Variants in PCDHA13 observed in about 807,000 individuals in gnomAD.
The protein encoded by PCDHA13 is protocadherin alpha-13.
In PCDHA13, 54 loss-of-function variants were observed where a neutral mutation model predicts 64.8. The ratio of observed to expected loss-of-function variants is 0.83; its 90% CI spans 0.67 to 1.04. The LOEUF is 1.04. Ranked by LOEUF, PCDHA13 falls within the 50% of genes least tolerant of loss-of-function variation. The pLI, the probability that PCDHA13 is intolerant of heterozygous loss-of-function variation, is 0.00. For synonymous variants in PCDHA13, 587 were observed against 564.4 expected, an observed-to-expected ratio of 1.04 and a Z score of -0.57; for missense variants, 1,248 against 1,254.3, an observed-to-expected ratio of 0.99 and a Z score of 0.08.
chr5:140,905,437 C>T (rs190555934), intron 1 of PCDHA13, among the ~76,000 whole-genome samples: 1 of 152,130 alleles, frequency 6.6e-6, no homozygotes, highest in Non-Finnish European at 1.5e-5. Flanking sequence ...ATAACTACAG[C>T]CTTTTAGTAT....
Position 141,009,798 on chromosome 5 carries a change from A to G in PCDHA13, c.2714A>G (p.Asn905Ser). Residue 905 changes from asparagine (N) to serine (S), a missense_variant, in exon 4 of 4, where the codon AAC (asparagine) becomes AGC (serine). Physicochemically the swap from Asn to Ser is conservative, Grantham distance 46. Transcript: ENST00000289272. ...AIISIRQEPT[N>S]SQIDKSDFIT... The stretch of plus-strand genomic sequence containing the variant: ...ATCTCCATCCGGCAGGAGCCTACTA[A>G]CAGCCAAATTGACAAAAGTGACTTC... 2 of 1,614,116 alleles carry G rather than the reference A, an allele frequency of 1.2e-6. No homozygotes were observed. Among genetic ancestry groups the G allele is most frequent in the Non-Finnish European group, 1.7e-6 (2 of 1,180,014 alleles).
In PCDHA13 at chr5:141,010,490, A is replaced by C; in HGVS notation, c.*553A>C. 1.6e-6 allele frequency: 1 copy of C among 640,034 alleles called. No individual in the cohort carries two copies. The highest frequency in any genetic ancestry group is 2.4e-6 in the Non-Finnish European group (1 of 411,150). The allele number at this position is 640,034 out of a possible 1,614,324, so 39.6% of individuals were successfully genotyped here. On this transcript the variant is annotated 3_prime_UTR_variant, in exon 4 of 4. Coordinates refer to ENST00000289272, the MANE Select transcript of PCDHA13 (RefSeq NM_018904.3). ...GGAGGGGAAGTGTAAACTTAAAGGG[A>C]CCAGACTTTCTAAATCTTACAACTC...
rs1554214039 is a variant in PCDHA13 at position 140,941,214 on chromosome 5, C to CTTTCTTTCTTTCTTTCTTTCTTTCTTT, written c.2395-37735_2395-37734insTTTCTTTCTTTCTTTCTTTCTTTCTTT. ...TTTTTTCTTTCTTCCTTTCTTTCTTCCTTTCTTTCTTTCTTTCTTTCTTTC... is the reference window on the plus strand; with the variant it reads ...TTTTTTCTTTCTTCCTTTCTTTCTTCTTTCTTTCTTTCTTTCTTTCTTTCTTTCTTTCTTTCTTTCTTTCTTTCTTTC... On this transcript the variant is annotated intron_variant, in intron 1 of 3. Coordinates refer to ENST00000289272, the MANE Select transcript of PCDHA13 (RefSeq NM_018904.3). Among the ~76,000 whole-genome samples the CTTTCTTTCTTTCTTTCTTTCTTTCTTT allele has an allele frequency of 4.7e-4, 57 of 122,484 alleles. 1 individual carries two copies. The highest frequency in any genetic ancestry group is 1.6e-3 in the East Asian group (7 of 4,322). The allele number at this position is 122,484 out of a possible 152,430, so 80.4% of individuals were successfully genotyped here.
At chr5:140,986,231 C>A (rs2097191592) in intron 3 of PCDHA13, among the ~76,000 whole-genome samples, 1 of 152,210 alleles carries the variant, frequency 6.6e-6, no homozygotes, top group African/African-American at 2.4e-5. Context: ...AGCCTCCCCT[C>A]TGTGTGAGCA....
chr5:140,994,358 G>A (rs2097616894), intron 3 of PCDHA13, among the ~76,000 whole-genome samples: 1 of 152,162 alleles, frequency 6.6e-6, no homozygotes, highest in Admixed American at 6.5e-5. Flanking sequence ...GACCTCAGAA[G>A]ATGGAATTGG....
chr5:140,918,423 G>A (rs1450010103), intron 1 of PCDHA13, among the ~76,000 whole-genome samples: 2 of 152,076 alleles, frequency 1.3e-5, no homozygotes, highest in Admixed American at 1.3e-4. Context: ...CTTCCAGTAG[G>A]ATGTTGAATA....
intron 3 of PCDHA13, among the ~76,000 whole-genome samples, chr5:141,002,222 G>A (rs1278350490): frequency 2.0e-5 from 3 of 152,212 alleles, no homozygotes; most frequent in Non-Finnish European, 4.4e-5. Context: ...AAAATGATGG[G>A]TTTTCTGGAA....
At chr5:141,009,262 C>T (rs2098403740) in intron 3 of PCDHA13, among the ~76,000 whole-genome samples, 2 of 152,112 alleles carry the variant, frequency 1.3e-5, no homozygotes, top group Non-Finnish European at 2.9e-5. Flanking sequence ...TGAGACCAGC[C>T]TGGGCAACAT....
intron 1 of PCDHA13, chr5:140,927,906 CG>C: frequency 6.2e-7 from 1 of 1,614,180 alleles, no homozygotes. Context: ...ATCATGCCCC[CG>C]AACTGGACTT....
chr5:140,938,928 T>G (rs1220764640), intron 1 of PCDHA13, among the ~76,000 whole-genome samples: 2 of 152,104 alleles, frequency 1.3e-5, no homozygotes, highest in African/African-American at 4.8e-5. Flanking sequence ...AAATTGGCTT[T>G]TAACTTTCCA....
chr5:141,001,850 T>G (rs2098040443), intron 3 of PCDHA13, among the ~76,000 whole-genome samples: 1 of 152,164 alleles, frequency 6.6e-6, no homozygotes, highest in Admixed American at 6.5e-5. Context: ...AGAGAGAGGT[T>G]GATTAAATTG....
chr5:140,942,924 T>A (rs2093394309), intron 1 of PCDHA13, among the ~76,000 whole-genome samples: 1 of 151,518 alleles, frequency 6.6e-6, no homozygotes, highest in African/African-American at 2.4e-5. Context: ...AAAAAAAAAA[T>A]TGAAAAAGAG....
intron 1 of PCDHA13, chr5:140,967,137 T>C: frequency 1.2e-6 from 2 of 1,611,728 alleles, no homozygotes; most frequent in Non-Finnish European, 1.7e-6. Context: ...TTGGAAGTGC[T>C]GGCGCACAAC....
intron 1 of PCDHA13, chr5:140,930,529 C>T (rs1175564392): frequency 6.6e-6 from 1 of 152,500 alleles, no homozygotes; most frequent in African/African-American, 2.4e-5. Flanking sequence ...GGCCCTCAAA[C>T]TTCTTGAGTG....
intron 1 of PCDHA13, among the ~76,000 whole-genome samples, chr5:140,923,975 T>C (rs1475895954): frequency 2.0e-5 from 3 of 152,222 alleles, no homozygotes; most frequent in African/African-American, 7.2e-5. Flanking sequence ...CCACACATAC[T>C]ATCCCTCTAG....
At position 140,882,739 on chromosome 5, in the gene PCDHA13, A is replaced by C. The variant is rs781997612; in HGVS notation, c.471A>C (p.Ala157=). 6.2e-7 allele frequency: 1 copy of C among 1,614,142 alleles called. No homozygotes were observed. Among genetic ancestry groups the C allele is most frequent in the East Asian group, 2.2e-5 (1 of 44,902 alleles). The change falls in exon 1 of 4, where the codon GCA becomes GCC. Residue 157 remains alanine, a synonymous_variant. Coordinates refer to ENST00000289272, the MANE Select transcript of PCDHA13 (RefSeq NM_018904.3). ...PPETRFPLDG[A]SDADIGVNSA... is the part of the protein sequence containing the mutation. ...AAACTCGATTTCCACTAGATGGCGC[A>C]TCCGATGCAGATATTGGAGTAAACT...
At chr5:140,918,348 G>A (rs1184826451) in intron 1 of PCDHA13, among the ~76,000 whole-genome samples, 1 of 152,138 alleles carries the variant, frequency 6.6e-6, no homozygotes, top group Non-Finnish European at 1.5e-5. Context: ...GAGATAGGTT[G>A]ACTTCCTCTC....
At chr5:141,006,637 T>C (rs782585273) in intron 3 of PCDHA13, among the ~76,000 whole-genome samples, 8 of 152,118 alleles carry the variant, frequency 5.3e-5, no homozygotes, top group Non-Finnish European at 1.2e-4. Flanking sequence ...GCAATTCATA[T>C]AAGAGATGAT....
chr5:140,882,701 T>C lies in PCDHA13; in HGVS notation c.433T>C (p.Ser145Pro). The change falls in exon 1 of 4, where the codon TCT becomes CCT. Residue 145 changes from serine to proline, a missense_variant. Coordinates refer to ENST00000289272, the MANE Select transcript of PCDHA13 (RefSeq NM_018904.3). ...CAAGAAACGAATAATCATTGCAGAA[T>C]CTAGACCTCCGGAAACTCGATTTCC... The part of the protein sequence containing the change: ...ESKKRIIIAE[S>P]RPPETRFPLD... 2 of 1,614,138 alleles carry C rather than the reference T, an allele frequency of 1.2e-6. No homozygotes were observed. Among genetic ancestry groups the C allele is most frequent in the South Asian group, 1.1e-5 (1 of 91,080 alleles).
Sources: allele counts gnomAD v4.1 joint callset (sites outside exome capture counted in the v4.1 genomes callset), GRCh38; gene constraint gnomAD v4.1.1; transcripts MANE v1.5; gene names NCBI Gene and HGNC (gene_info 2026-07-23, HGNC 2026-07-21).